PHTF1: variants seen among roughly 807,000 people sequenced by gnomAD.
The protein encoded by PHTF1 is protein PHTF1.
A neutral mutation model predicts 102.4 loss-of-function variants in PHTF1; 88 were observed. The observed-to-expected ratio is 0.86, with a 90% CI of 0.72 to 1.03. PHTF1 has a LOEUF of 1.03. PHTF1 is among the 50% of genes least tolerant of loss of function. The pLI is 0.00. For synonymous variants in PHTF1, 289 were observed against 305.2 expected (o/e 0.95, Z 0.55); for missense variants, 814 against 909.5 (o/e 0.89, Z 1.35).
chr1:113,714,560 G>A (rs1005480440), intron 7 of PHTF1: 6 of 152,434 alleles, frequency 3.9e-5, no homozygotes, highest in Admixed American at 2.6e-4. Flanking sequence ...GGAAACGGGA[G>A]AGAAGAATGA....
chr1:113,738,540 T>C lies in PHTF1; in HGVS notation c.172+190A>G, dbSNP rs559288681. 2.0e-5 allele frequency among the ~76,000 whole-genome samples: 3 copies of C among 152,338 alleles called. No homozygotes were observed. The East Asian group carries it at 5.8e-4, about 29-fold the overall frequency. On this transcript the variant is annotated intron_variant, in intron 4 of 18. Coordinates refer to ENST00000369604, the MANE Select transcript of PHTF1 (RefSeq NM_001323043.2). The stretch of plus-strand genomic sequence containing the variant: ...CAAGTCTCTACGTTCATCCCTCTTT[T>C]ACATGTATGCATGTAATTTATAGAG...
At chr1:113,717,510 A>G (rs947102373) in intron 7 of PHTF1, among the ~76,000 whole-genome samples, 2 of 152,220 alleles carry the variant, frequency 1.3e-5, no homozygotes, top group African/African-American at 4.8e-5. Flanking sequence ...GGCTGAAAAT[A>G]AGGGGATGGA....
intron 11 of PHTF1, among the ~76,000 whole-genome samples, chr1:113,707,520 T>A (rs529723810): frequency 2.0e-5 from 3 of 152,338 alleles, no homozygotes; most frequent in South Asian, 4.1e-4. Flanking sequence ...TTTTATGTTG[T>A]CCTCTATTTG....
intron 3 of PHTF1, among the ~76,000 whole-genome samples, chr1:113,750,886 T>G (rs945476522): frequency 2.0e-5 from 3 of 152,046 alleles, no homozygotes; most frequent in African/African-American, 7.2e-5. Context: ...AGATTCTTAT[T>G]TTAGGCTTAT....
chr1:113,752,944 C>A (rs1429009971), intron 3 of PHTF1, among the ~76,000 whole-genome samples: 1 of 152,154 alleles, frequency 6.6e-6, no homozygotes, highest in South Asian at 2.1e-4. Context: ...TCCTAGACAA[C>A]CTTTACTATG....
chr1:113,745,615 C>T (rs531432886), intron 3 of PHTF1, among the ~76,000 whole-genome samples: 2 of 152,274 alleles, frequency 1.3e-5, no homozygotes, highest in South Asian at 4.1e-4. Flanking sequence ...ACATCCACTC[C>T]CCACTGCTCA....
chr1:113,710,429 G>T lies in PHTF1; in HGVS notation c.1094C>A (p.Ser365Ter), dbSNP rs1266738780. 1.6e-5 allele frequency: 26 copies of T among 1,613,964 alleles called. No homozygotes were observed. Among genetic ancestry groups the T allele is most frequent in the Non-Finnish European group, 2.2e-5 (26 of 1,180,008 alleles). ...GCGGGTGCTTTCTGAGTCTCTTCTT[G>T]ACATGTTGAGGCTTCGAGAGCCACC... ...VSGGSRSLNM[S>*]RRDSESTRHD... Residue 365 changes from serine (S) to a stop codon, truncating the protein, a stop_gained, in exon 11 of 19, where the codon TCA becomes TAA. Transcript: ENST00000369604. LOFTEE classifies it high-confidence loss of function.
At chr1:113,702,573 C>G (rs1649569846) in intron 15 of PHTF1, among the ~76,000 whole-genome samples, 1 of 151,758 alleles carries the variant, frequency 6.6e-6, no homozygotes, top group Non-Finnish European at 1.5e-5. Flanking sequence ...GGAACAAAGC[C>G]AGACTCCACT....
chr1:113,698,303 C>T lies in PHTF1; in HGVS notation c.2227G>A (p.Val743Ile), dbSNP rs767797978. The T allele has an allele frequency of 1.2e-5, 19 of 1,608,672 alleles. No homozygotes were observed. Among genetic ancestry groups the T allele is most frequent in the East Asian group, 6.7e-5 (3 of 44,808 alleles). Reference sequence around the variant, plus strand: ...AGAAGATCACTTATAACACCTGAGACAGCAGAAAGGATAACTACTCTTGTG... The same window carrying T: ...AGAAGATCACTTATAACACCTGAGATAGCAGAAAGGATAACTACTCTTGTG... The part of the protein sequence containing the change: ...NITRVVILSA[V>I]SGVISDLLGF... Residue 743 changes from valine to isoleucine, a missense_variant, in exon 18 of 19, where the codon GTC becomes ATC. Physicochemically the swap from Val to Ile is conservative, Grantham distance 29 (BLOSUM62 3). Coordinates refer to ENST00000369604, the MANE Select transcript of PHTF1 (RefSeq NM_001323043.2).
intron 3 of PHTF1, among the ~76,000 whole-genome samples, chr1:113,741,259 T>C (rs1489624905): frequency 6.6e-6 from 1 of 152,154 alleles, no homozygotes; most frequent in Non-Finnish European, 1.5e-5. Flanking sequence ...CCATAAGCTG[T>C]AGATTTTACA....
At chr1:113,755,396 A>C (rs993158735) in intron 3 of PHTF1, among the ~76,000 whole-genome samples, 5 of 152,166 alleles carry the variant, frequency 3.3e-5, no homozygotes, top group Non-Finnish European at 7.4e-5. Flanking sequence ...CTCAGCACCT[A>C]GTACAAGAGT....
chr1:113,722,620 T>C (rs1040464391), intron 7 of PHTF1, among the ~76,000 whole-genome samples: 2 of 151,820 alleles, frequency 1.3e-5, no homozygotes, highest in African/African-American at 4.8e-5. Flanking sequence ...TCCTAAAATT[T>C]ACATGGAATT....
intron 3 of PHTF1, among the ~76,000 whole-genome samples, chr1:113,756,086 G>T (rs1658834140): frequency 1.3e-5 from 2 of 150,788 alleles, no homozygotes; most frequent in African/African-American, 4.9e-5. Context: ...AAAAAAAAGG[G>T]TGAAGGAAAT....
chr1:113,726,188 C>T (rs1021824592), intron 6 of PHTF1, among the ~76,000 whole-genome samples: 2 of 152,028 alleles, frequency 1.3e-5, no homozygotes, highest in African/African-American at 4.8e-5. Context: ...TAGAAATTTT[C>T]CTTTTAAACA....
At chr1:113,755,893 T>C (rs1316750335) in intron 3 of PHTF1, among the ~76,000 whole-genome samples, 1 of 122,868 alleles carries the variant, frequency 8.1e-6, no homozygotes, top group Non-Finnish European at 1.8e-5. Context: ...ACCCCGTCTC[T>C]ACTAAAAAAA....
chr1:113,746,852 C>T (rs1467899044), intron 3 of PHTF1: 3 of 910,466 alleles, frequency 3.3e-6, no homozygotes, highest in Admixed American at 6.2e-5. Context: ...TCTCACCCTT[C>T]CTTACCCTTG....
intron 3 of PHTF1, among the ~76,000 whole-genome samples, chr1:113,754,165 C>CT (rs1249021029): frequency 6.6e-6 from 1 of 152,130 alleles, no homozygotes; most frequent in African/African-American, 2.4e-5. Flanking sequence ...AATCTCGGCA[C>CT]TTTGAGAGGA....
chr1:113,756,897 G>A (rs1658967513), intron 3 of PHTF1, among the ~76,000 whole-genome samples: 1 of 152,210 alleles, frequency 6.6e-6, no homozygotes, highest in African/African-American at 2.4e-5. Context: ...GCCGGGCGCG[G>A]TGGCTCACGC....
chr1:113,704,172 GGAGT>G lies in PHTF1; in HGVS notation c.1804-9_1804-6del, dbSNP rs1557904528. The G allele has an allele frequency of 6.3e-7, 1 of 1,599,834 alleles. No homozygotes were observed. The highest frequency in any genetic ancestry group is 1.7e-5 in the Admixed American group (1 of 59,264). The stretch of plus-strand genomic sequence containing the variant: ...TGAACGCTGTGGCCCCCGTCTCTGT[GGAGT>G]GAGACACATGTGTTAATGTTTTAGT... On this transcript the variant is annotated splice_region_variant and splice_polypyrimidine_tract_variant and intron_variant, in intron 14 of 18. Coordinates refer to ENST00000369604, the MANE Select transcript of PHTF1 (RefSeq NM_001323043.2).
Sources: gnomAD v4.1 joint callset for allele counts (sites outside exome capture counted in the v4.1 genomes callset) on GRCh38, gnomAD v4.1.1 for gene constraint, MANE v1.5 for transcripts, NCBI Gene and HGNC (gene_info 2026-07-23, HGNC 2026-07-21) for gene names.